WDR49: variants seen among roughly 807,000 people sequenced by gnomAD.
WDR49 encodes the protein WD repeat domain 49.
Under a neutral mutation model 119.5 loss-of-function variants are expected in WDR49, and 107 were observed. The ratio of observed to expected loss-of-function variants is 0.90; its 90% CI spans 0.77 to 1.05. The LOEUF is 1.05. Among genes scored for constraint, WDR49 ranks in the 50% least tolerant of loss-of-function variants. WDR49 has a pLI of 0.00. For synonymous variants in WDR49, 425 were observed against 418.8 expected (o/e 1.01, Z -0.18); for missense variants, 1,240 against 1,220.5 (o/e 1.02, Z -0.24).
Position 167,606,335 on chromosome 3 carries a change from A to G in WDR49, c.959-1867T>C, listed in dbSNP as rs554786806. On this transcript the variant is annotated intron_variant, in intron 5 of 18. Coordinates refer to ENST00000682715, the MANE Select transcript of WDR49 (RefSeq NM_001366157.1). ...TTGAGAACCTTCTCACTATACTCATAAAGTCCAACCATAATAGATCTGAGG... is the reference window on the plus strand; with the variant it reads ...TTGAGAACCTTCTCACTATACTCATGAAGTCCAACCATAATAGATCTGAGG... Among the ~76,000 whole-genome samples, 8 of 152,274 alleles carry G rather than the reference A, an allele frequency of 5.3e-5. No homozygotes were observed. In the East Asian group the frequency reaches 1.5e-3, roughly 29 times the overall value.
At chr3:167,534,835 T>C (rs1209515555) in intron 11 of WDR49, among the ~76,000 whole-genome samples, 1 of 152,192 alleles carries the variant, frequency 6.6e-6, no homozygotes, top group Non-Finnish European at 1.5e-5. Context: ...TGTAGACATT[T>C]TGTGAGGACA....
At chr3:167,483,782 A>G (rs961195398) in intron 18 of WDR49, among the ~76,000 whole-genome samples, 3 of 152,124 alleles carry the variant, frequency 2.0e-5, no homozygotes, top group African/African-American at 7.2e-5. Context: ...CTCTTCACCT[A>G]GAACACTCTC....
chr3:167,519,182 G>A (rs988240369), intron 16 of WDR49, among the ~76,000 whole-genome samples: 1 of 152,162 alleles, frequency 6.6e-6, no homozygotes, highest in African/African-American at 2.4e-5. Flanking sequence ...TGATGGGAAT[G>A]TAAATTAGTT....
intron 7 of WDR49, among the ~76,000 whole-genome samples, chr3:167,595,063 A>C (rs1395933735): frequency 2.0e-5 from 3 of 150,298 alleles, no homozygotes; most frequent in Non-Finnish European, 4.5e-5. Flanking sequence ...AAGCATTCTT[A>C]TACACCAACA....
intron 2 of WDR49, among the ~76,000 whole-genome samples, chr3:167,630,252 C>A (rs1240000677): frequency 1.3e-5 from 2 of 152,066 alleles, no homozygotes; most frequent in Non-Finnish European, 2.9e-5. Flanking sequence ...AAAGCAAGAC[C>A]CTTCACTAAC....
At chr3:167,524,906 T>C (rs1319400189) in intron 15 of WDR49, among the ~76,000 whole-genome samples, 2 of 152,314 alleles carry the variant, frequency 1.3e-5, no homozygotes, top group East Asian at 1.9e-4. Flanking sequence ...TTCAGTTCCA[T>C]ATAAAATTTA....
intron 10 of WDR49, among the ~76,000 whole-genome samples, chr3:167,544,201 T>C (rs1188851349): frequency 6.6e-6 from 1 of 151,972 alleles, no homozygotes; most frequent in East Asian, 1.9e-4. Flanking sequence ...CCCATGCTCA[T>C]AGATGAATAG....
At chr3:167,505,166 T>G (rs1751717086) in intron 17 of WDR49, 141 bp downstream of exon 17, 2 of 1,147,056 alleles carry the variant, frequency 1.7e-6, no homozygotes, top group African/African-American at 1.6e-5. Flanking sequence ...CTTTTCTCCT[T>G]TGTTAAATGG....
At chr3:167,506,487 T>C (rs1751773225) in intron 16 of WDR49, among the ~76,000 whole-genome samples, 1 of 152,202 alleles carries the variant, frequency 6.6e-6, no homozygotes. Context: ...AGTCTGTGTA[T>C]CTCTCTTAAA....
intron 10 of WDR49, among the ~76,000 whole-genome samples, chr3:167,551,342 G>GT (rs1712556997): frequency 6.6e-6 from 1 of 151,546 alleles, no homozygotes; most frequent in Non-Finnish European, 1.5e-5. Flanking sequence ...AAGGAAAGGG[G>GT]AAAAAAAGAG....
chr3:167,586,515 T>C (rs1281811497), intron 7 of WDR49, among the ~76,000 whole-genome samples: 1 of 152,240 alleles, frequency 6.6e-6, no homozygotes, highest in Non-Finnish European at 1.5e-5. Context: ...GCTTTGTCTA[T>C]AGATCTTCTA....
At chr3:167,520,604 G>C (rs1376105575) in intron 16 of WDR49, among the ~76,000 whole-genome samples, 1 of 152,128 alleles carries the variant, frequency 6.6e-6, no homozygotes, top group Non-Finnish European at 1.5e-5. Context: ...GGAAATGGAA[G>C]AACAAATACC....
intron 18 of WDR49, among the ~76,000 whole-genome samples, chr3:167,494,781 A>T (rs891932628): frequency 2.6e-5 from 4 of 152,176 alleles, no homozygotes; most frequent in Non-Finnish European, 4.4e-5. Flanking sequence ...TTCCCATAGG[A>T]CATTCTCTGA....
At chr3:167,524,413 G>T (rs1318716426) in intron 15 of WDR49, among the ~76,000 whole-genome samples, 3 of 151,946 alleles carry the variant, frequency 2.0e-5, no homozygotes, top group African/African-American at 7.3e-5. Flanking sequence ...AGCTTAATTA[G>T]ATTGCATTTG....
chr3:167,645,929 T>C (rs1007684012), intron 2 of WDR49, among the ~76,000 whole-genome samples: 1 of 152,194 alleles, frequency 6.6e-6, no homozygotes, highest in African/African-American at 2.4e-5. Context: ...AGGGTCATTG[T>C]AGGGCGCTAA....
At chr3:167,647,271 C>A (rs1459489435) in intron 2 of WDR49, among the ~76,000 whole-genome samples, 1 of 152,168 alleles carries the variant, frequency 6.6e-6, no homozygotes, top group African/African-American at 2.4e-5. Context: ...TTGGCCAACA[C>A]TCAAGGTTAA....
chr3:167,479,028 TTA>T, intron 18 of WDR49, 32 bp from the exon 19 acceptor site: 1 of 1,485,966 alleles, frequency 6.7e-7, no homozygotes, highest in Non-Finnish European at 9.2e-7. Context: ...CACAAGTGAA[TTA>T]TATTTGTTAA....
chr3:167,598,538 G>A (rs988670713), intron 7 of WDR49, among the ~76,000 whole-genome samples: 1 of 152,034 alleles, frequency 6.6e-6, no homozygotes, highest in African/African-American at 2.4e-5. Context: ...GTGTATGGTG[G>A]TTCCCCCACC....
intron 9 of WDR49, among the ~76,000 whole-genome samples, chr3:167,556,814 C>G (rs769345032): frequency 1.2e-4 from 18 of 152,092 alleles, no homozygotes; most frequent in Non-Finnish European, 2.2e-4. Context: ...ATCACAAGGT[C>G]AGGAGTTTGA....
Sources: gnomAD v4.1 joint callset for allele counts (sites outside exome capture counted in the v4.1 genomes callset) on GRCh38, gnomAD v4.1.1 for gene constraint, MANE v1.5 for transcripts, NCBI Gene and HGNC (gene_info 2026-07-23, HGNC 2026-07-21) for gene names.